The following KMT2C variants were observed in gnomAD, a reference collection of about 807,000 sequenced individuals.
KMT2C encodes the protein lysine methyltransferase 2C, also known as histone-lysine N-methyltransferase 2C.
KMT2C carries 88 observed loss-of-function variants against 507.9 expected under a neutral mutation model. The observed-to-expected ratio is 0.17, with a 90% CI of 0.15 to 0.21. The LOEUF is 0.21. Among genes scored for constraint, KMT2C ranks in the 10% least tolerant of loss-of-function variants. The pLI is 1.00. For synonymous variants in KMT2C, 2,049 were observed against 2,080.8 expected (o/e 0.98, Z 0.42); for missense variants, 4,954 against 5,957.8 (o/e 0.83, Z 5.55).
At position 152,144,624 on chromosome 7, in the gene KMT2C, A is replaced by G; in HGVS notation, c.14343+89T>C. The stretch of plus-strand genomic sequence containing the variant: ...CGTTTCTGTCCCTGCAGCTATGTGA[A>G]ATCATTTTCACATACTGGACATCAA... On this transcript the variant is annotated intron_variant, in intron 55 of 58. Coordinates refer to ENST00000262189, the MANE Select transcript of KMT2C (RefSeq NM_170606.3). The surrounding 1 kb of genome is among the most constrained non-coding windows in gnomAD (Gnocchi z 4.4). 7.7e-7 allele frequency: 1 copy of G among 1,295,104 alleles called. No individual in the cohort carries two copies. Among genetic ancestry groups the G allele is most frequent in the South Asian group, 1.4e-5 (1 of 73,134 alleles). The allele number at this position is 1,295,104 out of a possible 1,614,324, so 80.2% of individuals were successfully genotyped here. A position where few individuals can be genotyped will look rare whatever the true frequency, so the allele number is the denominator to read the frequency against.
At chr7:152,182,697 G>A (rs138234439) in intron 35 of KMT2C, 103 bp from the exon 36 acceptor site, 152 of 1,034,956 alleles carry the variant, frequency 1.5e-4, no homozygotes, top group Non-Finnish European at 1.9e-4. Context: ...TGATGTCAGC[G>A]CTACCAGATT....
chr7:152,187,231 G>T (rs2129124434), intron 33 of KMT2C, 31 bp downstream of exon 33: 1 of 1,564,752 alleles, frequency 6.4e-7, no homozygotes, highest in Non-Finnish European at 8.8e-7. Flanking sequence ...GAAAATGTTG[G>T]TAAAACAGAA....
intron 6 of KMT2C, among the ~76,000 whole-genome samples, chr7:152,292,694 C>CT (rs1652550876): frequency 6.6e-6 from 1 of 152,204 alleles, no homozygotes; most frequent in Non-Finnish European, 1.5e-5. Flanking sequence ...ATCCACCCCT[C>CT]TGTAGCCTTC....
intron 1 of KMT2C, among the ~76,000 whole-genome samples, chr7:152,380,275 A>G (rs2097362038): frequency 2.2e-5 from 3 of 135,364 alleles, no homozygotes; most frequent in Admixed American, 1.5e-4. Flanking sequence ...AAAACAAAAC[A>G]AAAAAAACTA....
In KMT2C at chr7:152,159,032, C is replaced by G. The variant is rs765103754; in HGVS notation, c.11501G>C (p.Gly3834Ala). 2.5e-6 allele frequency: 4 copies of G among 1,614,030 alleles called. No homozygotes were observed. The highest frequency in any genetic ancestry group is 3.4e-6 in the Non-Finnish European group (4 of 1,180,034). Residue 3834 changes from glycine (G) to alanine (A), a missense_variant, in exon 44 of 59, where the codon GGC becomes GCC. By Grantham distance (60) the Gly-to-Ala change is moderately conservative. Coordinates refer to ENST00000262189, the MANE Select transcript of KMT2C (RefSeq NM_170606.3). The stretch of plus-strand genomic sequence containing the variant: ...TCCATCTGTTTTTGGCAACTGGTTG[C>G]CACATCCAAAACCACCTTGCATTTG... ...GAQMQGGFGC[G>A]NQLPKTDGGS...
chr7:152,384,481 G>A (rs1276702645), intron 1 of KMT2C, among the ~76,000 whole-genome samples: 2 of 151,078 alleles, frequency 1.3e-5, no homozygotes, highest in African/African-American at 2.4e-5. Flanking sequence ...GCAGCTCAAG[G>A]ATAACTCCAG....
intron 1 of KMT2C, among the ~76,000 whole-genome samples, chr7:152,362,784 G>GT (rs1480126671): frequency 6.6e-6 from 1 of 152,088 alleles, no homozygotes; most frequent in Non-Finnish European, 1.5e-5. Context: ...CAACATATCA[G>GT]TTATCTGCAT....
chr7:152,203,706 T>TAATGGCAGGGCA (rs2094212444), intron 25 of KMT2C, among the ~76,000 whole-genome samples: 2 of 152,192 alleles, frequency 1.3e-5, no homozygotes, highest in South Asian at 4.1e-4. Context: ...AGATGCTTCA[T>TAATGGCAGGGCA]AATGGCAGGG....
chr7:152,368,539 T>C, intron 1 of KMT2C: 1 of 1,367,896 alleles, frequency 7.3e-7, no homozygotes, highest in Non-Finnish European at 1.0e-6. Context: ...GCACAAAGAA[T>C]TAGAGGAAAA....
intron 3 of KMT2C, among the ~76,000 whole-genome samples, chr7:152,316,385 TA>T: frequency 6.6e-6 from 1 of 152,210 alleles, no homozygotes. Flanking sequence ...TGTGTAAACC[TA>T]AAAATGCTCT....
chr7:152,348,753 C>T (rs1225458131), intron 2 of KMT2C, among the ~76,000 whole-genome samples: 2 of 151,796 alleles, frequency 1.3e-5, no homozygotes, highest in African/African-American at 4.8e-5. Flanking sequence ...ATTAAAACAA[C>T]AGGGCATCAC....
chr7:152,233,952 T>C (rs1453352283), intron 16 of KMT2C, among the ~76,000 whole-genome samples: 1 of 152,090 alleles, frequency 6.6e-6, no homozygotes, highest in African/African-American at 2.4e-5. Context: ...CTGGCCAACA[T>C]GGCAAAACCC....
rs2129120369 is a variant in KMT2C, at chr7:152,181,804, C to T, written c.6056G>A (p.Arg2019Lys). 1 of 1,614,108 alleles carries T rather than the reference C, an allele frequency of 6.2e-7. No homozygotes were observed. Among genetic ancestry groups the T allele is most frequent in the Non-Finnish European group, 8.5e-7 (1 of 1,180,028 alleles). Residue 2019 changes from arginine (R) to lysine (K), a missense_variant, in exon 36 of 59, where the codon AGA becomes AAA. Transcript: ENST00000262189. ...TGCATATGAGTCAGGTATCCTTTGT[C>T]TTTGAAACACATCTGCCCTAGGAGA... ...KPSPRADVFQ[R>K]QRIPDSYARP...
At chr7:152,383,305 A>G (rs1428634986) in intron 1 of KMT2C, among the ~76,000 whole-genome samples, 4 of 152,218 alleles carry the variant, frequency 2.6e-5, no homozygotes, top group African/African-American at 9.6e-5. Flanking sequence ...TTATAGTTGA[A>G]TGGCAGTCTT....
intron 6 of KMT2C, among the ~76,000 whole-genome samples, chr7:152,295,548 A>G (rs892007047): frequency 6.6e-6 from 1 of 152,228 alleles, no homozygotes; most frequent in African/African-American, 2.4e-5. Flanking sequence ...CCTTCTTTAA[A>G]AATATTTTCA....
rs1472266908 is a variant in KMT2C, at chr7:152,288,611, C to A, written c.850-14744G>T. On this transcript the variant is annotated intron_variant, in intron 6 of 58. Coordinates refer to ENST00000262189, the MANE Select transcript of KMT2C (RefSeq NM_170606.3). ...TGTGGGACTATAATAAGTGATGCAACATTCCTGTCACTGGAATCTCAGAAA... is the reference window on the plus strand; with the variant it reads ...TGTGGGACTATAATAAGTGATGCAAAATTCCTGTCACTGGAATCTCAGAAA... Among the ~76,000 whole-genome samples the A allele has an allele frequency of 5.3e-5, 8 of 151,980 alleles. No homozygotes were observed. The East Asian group carries it at 1.5e-3, about 29-fold the overall frequency.
chr7:152,258,666 A>C (rs1213374088), intron 9 of KMT2C, among the ~76,000 whole-genome samples: 6 of 152,002 alleles, frequency 3.9e-5, no homozygotes, highest in Admixed American at 3.9e-4. Context: ...CTGGGATTAC[A>C]TGGCACCCAC....
chr7:152,259,446 G>GCGCGCACACACA (rs1188729137), intron 9 of KMT2C, among the ~76,000 whole-genome samples: 80 of 134,788 alleles, frequency 5.9e-4, no homozygotes, highest in African/African-American at 2.2e-3. Context: ...ACACACACGC[G>GCGCGCACACACA]CACACACACA....
At chr7:152,413,653 G>C (rs935150124) in intron 1 of KMT2C, among the ~76,000 whole-genome samples, 1 of 151,032 alleles carries the variant, frequency 6.6e-6, no homozygotes, top group African/African-American at 2.5e-5. Context: ...GGGAGGCCGA[G>C]GCAGGTGGAT....
Sources: gnomAD v4.1 joint callset for allele counts (sites outside exome capture counted in the v4.1 genomes callset) on GRCh38, gnomAD v4.1.1 for gene constraint, Gnocchi (gnomAD v3.1) non-coding constraint, MANE v1.5 for transcripts, NCBI Gene and HGNC (gene_info 2026-07-23, HGNC 2026-07-21) for gene names.